EHMT1: variants seen among roughly 807,000 people sequenced by gnomAD.
The protein encoded by EHMT1 is euchromatic histone lysine methyltransferase 1.
In EHMT1, 15 loss-of-function variants were observed where a neutral mutation model predicts 147.2. That is an observed-to-expected ratio of 0.10 (90% CI 0.07 to 0.16). EHMT1 has a LOEUF of 0.16. EHMT1 is among the 10% of genes least tolerant of loss of function. EHMT1 has a pLI of 1.00. For missense variants in EHMT1, 1,587 were observed against 1,772.4 expected, an observed-to-expected ratio of 0.90 and a Z score of 1.88; for synonymous variants, 795 against 709.6, an observed-to-expected ratio of 1.12 and a Z score of -1.91.
At position 137,788,034 on chromosome 9, in the gene EHMT1, G is replaced by A. The variant is rs957955218; in HGVS notation, c.2383-2814G>A. On this transcript the variant is annotated intron_variant, in intron 15 of 26. Coordinates refer to ENST00000460843, the MANE Select transcript of EHMT1 (RefSeq NM_024757.5). ...CCAGGCCCTAGGCTCCGGGAAGAGG[G>A]TTGAGGGCCTGATGGCTCCCGCTGG... The A allele has an allele frequency of 3.6e-6, 5 of 1,394,022 alleles. No homozygotes were observed. The African/African-American group carries it at 5.6e-5, about 16-fold the overall frequency. 86.4% of individuals were successfully genotyped at this position (1,394,022 alleles called of 1,614,324 possible).
chr9:137,645,588 A>G (rs554891675), intron 1 of EHMT1, among the ~76,000 whole-genome samples: 1 of 152,316 alleles, frequency 6.6e-6, no homozygotes, highest in South Asian at 2.1e-4. Flanking sequence ...AGCAGCGAAG[A>G]GGGGCCTCCT....
intron 16 of EHMT1, among the ~76,000 whole-genome samples, chr9:137,793,495 C>CCA (rs1952678721): frequency 6.6e-6 from 1 of 152,230 alleles, no homozygotes; most frequent in Admixed American, 6.5e-5. Flanking sequence ...TTCCTCAGAT[C>CCA]GCTAAGCATA....
At position 137,782,896 on chromosome 9, in the gene EHMT1, G is replaced by T. The variant is rs559599287; in HGVS notation, c.2382+499G>T. Reference sequence around the variant, plus strand: ...CTAATTTATTCTGAACCATCTGAACGCTGCCCGCTTGTCTCTGGGTTCAGA... The same window carrying T: ...CTAATTTATTCTGAACCATCTGAACTCTGCCCGCTTGTCTCTGGGTTCAGA... On this transcript the variant is annotated intron_variant, in intron 15 of 26. Coordinates refer to ENST00000460843, the MANE Select transcript of EHMT1 (RefSeq NM_024757.5). This position sits in a 1 kb window ranked among gnomAD's most constrained non-coding sequence, Gnocchi z 5.7. Among the ~76,000 whole-genome samples the T allele has an allele frequency of 6.6e-6, 1 of 151,986 alleles. No homozygotes were observed. Among genetic ancestry groups the T allele is most frequent in the African/African-American group, 2.4e-5 (1 of 41,340 alleles).
intron 25 of EHMT1, among the ~76,000 whole-genome samples, chr9:137,822,982 A>G (rs1316929119): frequency 7.3e-5 from 11 of 150,194 alleles, no homozygotes; most frequent in South Asian, 2.2e-4. Flanking sequence ...CCAGGCTGGA[A>G]TGCAGTGGCA....
intron 4 of EHMT1, among the ~76,000 whole-genome samples, chr9:137,741,129 AC>A (rs1233255704): frequency 2.0e-5 from 3 of 151,986 alleles, no homozygotes; most frequent in African/African-American, 7.3e-5. Context: ...GGCGCCCGCC[AC>A]CTTGGCCGGC....
Position 137,732,032 on chromosome 9 carries a change from A to G in EHMT1, c.823+3503A>G, listed in dbSNP as rs1318561569. Among the ~76,000 whole-genome samples the G allele has an allele frequency of 6.6e-6, 1 of 152,202 alleles. No individual in the cohort carries two copies. The highest frequency in any genetic ancestry group is 1.5e-5 in the Non-Finnish European group (1 of 68,022). ...GGGATAGGGTGGGAGAGTGTGCTATAGCTCTCTTGCTGTCACCACCCACAG... is the reference window on the plus strand; with the variant it reads ...GGGATAGGGTGGGAGAGTGTGCTATGGCTCTCTTGCTGTCACCACCCACAG... On this transcript the variant is annotated intron_variant, in intron 4 of 26. Transcript: ENST00000460843. This position sits in a 1 kb window ranked among gnomAD's most constrained non-coding sequence, Gnocchi z 4.6.
chr9:137,666,026 G>A (rs2134152445), intron 1 of EHMT1: 1 of 152,336 alleles, frequency 6.6e-6, no homozygotes, highest in African/African-American at 2.4e-5. Context: ...AAAAGTGATG[G>A]GGTACAAGCA....
At chr9:137,687,673 C>G (rs769779907) in intron 1 of EHMT1, among the ~76,000 whole-genome samples, 1 of 152,170 alleles carries the variant, frequency 6.6e-6, no homozygotes, top group East Asian at 1.9e-4. Flanking sequence ...CTACCCGTCA[C>G]GCGAGGACAC....
intron 25 of EHMT1, 57 bp downstream of exon 25, chr9:137,818,195 T>C (rs774232748): frequency 6.3e-7 from 1 of 1,578,694 alleles, no homozygotes; most frequent in Non-Finnish European, 8.7e-7. Flanking sequence ...AAAACCTGAA[T>C]GTGTTTGTCC....
chr9:137,748,862 A>G lies in EHMT1; in HGVS notation c.1171-3469A>G, dbSNP rs575626160. 2.6e-5 allele frequency among the ~76,000 whole-genome samples: 4 copies of G among 152,262 alleles called. No individual in the cohort carries two copies. In the East Asian group the frequency reaches 7.7e-4, roughly 29 times the overall value. ...AACAAGCCCTTGTTGTGTAGTCGACATGATTCCTTCTTCTGCATGTGGCCT... is the reference window on the plus strand; with the variant it reads ...AACAAGCCCTTGTTGTGTAGTCGACGTGATTCCTTCTTCTGCATGTGGCCT... On this transcript the variant is annotated intron_variant, in intron 6 of 26. Coordinates refer to ENST00000460843, the MANE Select transcript of EHMT1 (RefSeq NM_024757.5).
chr9:137,791,155 T>C lies in EHMT1; in HGVS notation c.2505+185T>C, dbSNP rs4876942. 0.33 allele frequency among the ~76,000 whole-genome samples: 50,139 copies of C among 151,928 alleles called. 8,566 individuals are homozygous for C. Among genetic ancestry groups the C allele is most frequent in the Admixed American group, 0.43 (6,553 of 15,264 alleles). On this transcript the variant is annotated intron_variant, in intron 16 of 26. Coordinates refer to ENST00000460843, the MANE Select transcript of EHMT1 (RefSeq NM_024757.5). The stretch of plus-strand genomic sequence containing the variant: ...TTTATTATTAAAAACTACTAGTGAG[T>C]GCTCACTCTCTACAGAGCCTGACAA...
intron 1 of EHMT1, 78 bp from the exon 2 acceptor site, chr9:137,710,887 TGA>T: frequency 6.7e-7 from 1 of 1,496,658 alleles, no homozygotes. Flanking sequence ...TACGATTTTT[TGA>T]CTTTTTCCAA....
chr9:137,761,744 AC>A (rs1949838892), intron 9 of EHMT1, among the ~76,000 whole-genome samples: 1 of 152,306 alleles, frequency 6.6e-6, no homozygotes, highest in African/African-American at 2.4e-5. Flanking sequence ...GGCGTGAGCC[AC>A]CGCGCCCAGC....
In EHMT1 at chr9:137,787,738, G is replaced by A. The variant is rs964167934; in HGVS notation, c.2383-3110G>A. 5.1e-5 allele frequency: 39 copies of A among 764,686 alleles called. 1 individual carries two copies. The South Asian group carries it at 5.7e-4, about 11-fold the overall frequency. 47.4% of individuals were successfully genotyped at this position (764,686 alleles called of 1,614,324 possible). A position where few individuals can be genotyped will look rare whatever the true frequency, so the allele number is the denominator to read the frequency against. ...GTCCCCAGGGTGCCACCGAAACATC[G>A]TAGATGCTTTTGTTGGGTGACACAC... On this transcript the variant is annotated intron_variant, in intron 15 of 26. Transcript: ENST00000460843. This position sits in a 1 kb window ranked among gnomAD's most constrained non-coding sequence, Gnocchi z 4.2.
rs993894932 is a variant in EHMT1, at chr9:137,782,497, T to G, written c.2382+100T>G. The stretch of plus-strand genomic sequence containing the variant: ...GTTCGCGGTTCTTCCAGTGTAAGAG[T>G]TCCGTAGTGCTGTGAATCGGGCACA... On this transcript the variant is annotated intron_variant, in intron 15 of 26. Transcript: ENST00000460843. The surrounding 1 kb of genome is among the most constrained non-coding windows in gnomAD (Gnocchi z 5.7). 3.5e-6 allele frequency: 4 copies of G among 1,133,066 alleles called. No individual in the cohort carries two copies. In the African/African-American group the frequency reaches 6.2e-5, roughly 17 times the overall value. The allele number at this position is 1,133,066 out of a possible 1,614,324, so 70.2% of individuals were successfully genotyped here.
chr9:137,762,617 C>T (rs148389652), intron 9 of EHMT1, 58 bp from the exon 10 acceptor site: 1 of 1,612,916 alleles, frequency 6.2e-7, no homozygotes, highest in African/African-American at 1.3e-5. Flanking sequence ...CGATCACTTT[C>T]TAGATGTTCT....
At chr9:137,649,975 A>G (rs929001517) in intron 1 of EHMT1, among the ~76,000 whole-genome samples, 2 of 152,246 alleles carry the variant, frequency 1.3e-5, no homozygotes, top group African/African-American at 2.4e-5. Flanking sequence ...GTCAAGCTAC[A>G]GTGGTCTCAT....
rs564811510 is a variant in EHMT1 at position 137,638,625 on chromosome 9, A to G, written c.21+19576A>G. Among the ~76,000 whole-genome samples, 4 of 152,330 alleles carry G rather than the reference A, an allele frequency of 2.6e-5. No individual in the cohort carries two copies. In the South Asian group the frequency reaches 8.3e-4, roughly 32 times the overall value. On this transcript the variant is annotated intron_variant, in intron 1 of 26. Coordinates refer to ENST00000460843, the MANE Select transcript of EHMT1 (RefSeq NM_024757.5). ...CCCCTAAAAAATATGTTGAAGTCCT[A>G]AACCCCATACTTCAGAATTTGACCT...
Position 137,787,830 on chromosome 9 carries a change from G to T in EHMT1, c.2383-3018G>T. The T allele has an allele frequency of 1.0e-6, 1 of 975,430 alleles. No homozygotes were observed. The highest frequency in any genetic ancestry group is 1.7e-6 in the Non-Finnish European group (1 of 600,936). 60.4% of individuals were successfully genotyped at this position (975,430 alleles called of 1,614,324 possible). ...GGTTTCAGGGGCCACCCCCCAGTAG[G>T]CAGAGCTGGTTGACGGTGGACATTG... is the stretch of plus-strand genomic sequence containing the variant. On this transcript the variant is annotated intron_variant, in intron 15 of 26. Transcript: ENST00000460843. This position sits in a 1 kb window ranked among gnomAD's most constrained non-coding sequence, Gnocchi z 4.2.
Sources: gnomAD v4.1 joint callset for allele counts (sites outside exome capture counted in the v4.1 genomes callset) on GRCh38, gnomAD v4.1.1 for gene constraint, Gnocchi (gnomAD v3.1) non-coding constraint, MANE v1.5 for transcripts, NCBI Gene and HGNC (gene_info 2026-07-23, HGNC 2026-07-21) for gene names.